Variants in TLN2 observed in about 807,000 individuals in gnomAD.
The protein encoded by TLN2 is talin 2, also known as talin-2.
Under a neutral mutation model 294.7 loss-of-function variants are expected in TLN2, and 118 were observed. The ratio of observed to expected loss-of-function variants is 0.40; its 90% CI spans 0.34 to 0.47. The LOEUF is 0.47. Among genes scored for constraint, TLN2 ranks in the 20% least tolerant of loss-of-function variants. The pLI, the probability that TLN2 is intolerant of heterozygous loss-of-function variation, is 0.84. For missense variants in TLN2, 3,083 were observed against 3,282.2 expected (o/e 0.94, Z 1.48); for synonymous variants, 1,431 against 1,304.5 (o/e 1.10, Z -2.09).
intron 1 of TLN2, among the ~76,000 whole-genome samples, chr15:62,508,122 T>TA (rs2039724996): frequency 6.6e-6 from 1 of 152,196 alleles, no homozygotes; most frequent in African/African-American, 2.4e-5. Context: ...TGAATGAAGA[T>TA]ACCATTTAAT....
In TLN2 at chr15:62,521,547, C is replaced by G. The variant is rs570844005; in HGVS notation, c.-237-68140C>G. On this transcript the variant is annotated intron_variant, in intron 1 of 58. Transcript: ENST00000636159. Reference sequence around the variant, plus strand: ...GTTGGTTGAAAGAGTTAAGCTTTGTCTAAAGACTTAAGTAGAAAGAAATGC... The same window carrying G: ...GTTGGTTGAAAGAGTTAAGCTTTGTGTAAAGACTTAAGTAGAAAGAAATGC... Among the ~76,000 whole-genome samples the G allele has an allele frequency of 1.5e-4, 23 of 152,158 alleles. 1 individual carries two copies. Among genetic ancestry groups the G allele is most frequent in the African/African-American group, 5.5e-4 (23 of 41,512 alleles).
In TLN2 at chr15:62,537,262, A is replaced by G. The variant is rs1030614445; in HGVS notation, c.-237-52425A>G. ...CTCGATCTGACCTCGTGATCCGCCC[A>G]CCTCTGCCTCCCAAAGTGCTGGGAT... On this transcript the variant is annotated intron_variant, in intron 1 of 58. Coordinates refer to ENST00000636159, the MANE Select transcript of TLN2 (RefSeq NM_015059.3). Among the ~76,000 whole-genome samples, 9 of 151,864 alleles carry G rather than the reference A, an allele frequency of 5.9e-5. No individual in the cohort carries two copies. In the East Asian group the frequency reaches 1.2e-3, roughly 20 times the overall value.
intron 28 of TLN2, among the ~76,000 whole-genome samples, chr15:62,732,236 CTACTT>C (rs1567481213): frequency 6.6e-6 from 1 of 152,182 alleles, no homozygotes; most frequent in Admixed American, 6.5e-5. Context: ...AGAGAAAAGA[CTACTT>C]TACATGTTGC....
At chr15:62,565,988 G>T (rs1385897981) in intron 1 of TLN2, among the ~76,000 whole-genome samples, 1 of 151,742 alleles carries the variant, frequency 6.6e-6, no homozygotes, top group Non-Finnish European at 1.5e-5. Context: ...TGAGGATCAT[G>T]ATACGTCTTA....
intron 2 of TLN2, among the ~76,000 whole-genome samples, chr15:62,614,550 C>G (rs1216198430): frequency 6.6e-6 from 1 of 152,164 alleles, no homozygotes; most frequent in South Asian, 2.1e-4. Flanking sequence ...CCCGCCACCT[C>G]TCTGCTCGAA....
chr15:62,601,376 C>T (rs1055225967), intron 2 of TLN2, among the ~76,000 whole-genome samples: 9 of 152,146 alleles, frequency 5.9e-5, no homozygotes, highest in Non-Finnish European at 8.8e-5. Flanking sequence ...TTTTGGTGGT[C>T]GGTTTCCCAT....
Position 62,762,322 on chromosome 15 carries a change from G to A in TLN2, c.4830G>A (p.Glu1610=), listed in dbSNP as rs2062727523. 2 of 1,614,186 alleles carry A rather than the reference G, an allele frequency of 1.2e-6. No homozygotes were observed. The highest frequency in any genetic ancestry group is 4.5e-5 in the East Asian group (2 of 44,874). Reference sequence around the variant, plus strand: ...TGGTCTCAGCCAAGACCATGCTGGAGAGTTCATCGTACCTCATTCGCACTG... The same window carrying A: ...TGGTCTCAGCCAAGACCATGCTGGAAAGTTCATCGTACCTCATTCGCACTG... ...PILVSAKTML[E]SSSYLIRTAR... Residue 1610 remains glutamate (E), a synonymous_variant, in exon 39 of 59, where the codon GAG becomes GAA. Transcript: ENST00000636159.
rs1409114306 is a variant in TLN2, at chr15:62,702,919, C to A, written c.2004+55C>A. 5 of 1,483,928 alleles carry A rather than the reference C, an allele frequency of 3.4e-6. No individual in the cohort carries two copies. The Admixed American group carries it at 5.0e-5, about 15-fold the overall frequency. The allele number at this position is 1,483,928 out of a possible 1,614,324, so 91.9% of individuals were successfully genotyped here. On this transcript the variant is annotated intron_variant, in intron 19 of 58. Coordinates refer to ENST00000636159, the MANE Select transcript of TLN2 (RefSeq NM_015059.3). ...AAAGAAGTCTAAGTGATGGTCTAGA[C>A]CCGAGCAGGCAGAATGTAATATTTG...
At chr15:62,608,432 G>T (rs982611930) in intron 2 of TLN2, among the ~76,000 whole-genome samples, 2 of 152,186 alleles carry the variant, frequency 1.3e-5, no homozygotes, top group Non-Finnish European at 2.9e-5. Context: ...ACTGAAGAGC[G>T]TAAGAAGAGA....
intron 9 of TLN2, among the ~76,000 whole-genome samples, chr15:62,661,339 T>C (rs969691107): frequency 3.3e-5 from 5 of 152,022 alleles, no homozygotes; most frequent in African/African-American, 9.7e-5. Context: ...GGGAAAAAAA[T>C]TGAACATAGC....
chr15:62,676,382 G>A (rs1279548952), intron 11 of TLN2, among the ~76,000 whole-genome samples: 5 of 152,148 alleles, frequency 3.3e-5, no homozygotes, highest in Non-Finnish European at 7.4e-5. Flanking sequence ...AATGAAGAAC[G>A]TATACATCAG....
At chr15:62,787,330 A>T (rs140973622) in intron 45 of TLN2, among the ~76,000 whole-genome samples, 174 of 152,332 alleles carry the variant, frequency 1.1e-3, no homozygotes, top group Admixed American at 2.1e-3. Flanking sequence ...GGGAAAAACC[A>T]GTGTGTTTTG....
intron 1 of TLN2, among the ~76,000 whole-genome samples, chr15:62,399,450 C>G (rs572733107): frequency 2.9e-4 from 44 of 152,176 alleles, no homozygotes; most frequent in Non-Finnish European, 5.3e-4. Flanking sequence ...GGCCACCATC[C>G]TCACACCCCA....
intron 55 of TLN2, 40 bp from the exon 56 acceptor site, chr15:62,835,697 T>C: frequency 6.2e-7 from 1 of 1,612,068 alleles, no homozygotes; most frequent in Non-Finnish European, 8.5e-7. Context: ...CCACTGGGGC[T>C]GCCTGCCCTC....
At chr15:62,719,641 G>A (rs2060000430) in intron 24 of TLN2, 126 bp from the exon 25 acceptor site, 4 of 655,686 alleles carry the variant, frequency 6.1e-6, no homozygotes, top group Non-Finnish European at 9.9e-6. Context: ...GTCTATCCAA[G>A]GTCTGGGGCT....
Position 62,675,321 on chromosome 15 carries a change from G to A in TLN2, c.957G>A (p.Lys319=). ...ATGGCGTGTCCTTCTTCCTGGTGAAGGTGAGTTGGGCAGAATGGGGAGAGT... is the reference window on the plus strand; with the variant it reads ...ATGGCGTGTCCTTCTTCCTGGTGAAAGTGAGTTGGGCAGAATGGGGAGAGT... ...RTYGVSFFLV[K]EKMKGKNKLV... is the part of the protein sequence containing the mutation. The change falls in exon 11 of 59, where the codon AAG becomes AAA. Residue 319 remains lysine, a splice_region_variant and synonymous_variant. Transcript: ENST00000636159. The A allele has an allele frequency of 6.2e-7, 1 of 1,614,132 alleles. No individual in the cohort carries two copies. The highest frequency in any genetic ancestry group is 8.5e-7 in the Non-Finnish European group (1 of 1,179,998).
chr15:62,796,376 G>T (rs949807132), intron 47 of TLN2, 83 bp downstream of exon 47: 3 of 1,463,258 alleles, frequency 2.1e-6, no homozygotes, highest in Non-Finnish European at 2.7e-6. Flanking sequence ...CCACCTGGGA[G>T]CCAGAAATGT....
intron 1 of TLN2, among the ~76,000 whole-genome samples, chr15:62,425,691 G>T (rs2034670486): frequency 6.6e-6 from 1 of 152,180 alleles, no homozygotes; most frequent in South Asian, 2.1e-4. Flanking sequence ...GTTTACATAG[G>T]ATGTGTCCTC....
intron 49 of TLN2, 79 bp downstream of exon 49, chr15:62,800,572 G>GCATGCGATC: frequency 1.2e-6 from 2 of 1,609,664 alleles, no homozygotes; most frequent in Non-Finnish European, 8.5e-7. Context: ...CTTGCTCATA[G>GCATGCGATC]CATGCGATCC....
Sources: allele counts gnomAD v4.1 joint callset (sites outside exome capture counted in the v4.1 genomes callset), GRCh38; gene constraint gnomAD v4.1.1; transcripts MANE v1.5; gene names NCBI Gene and HGNC (gene_info 2026-07-23, HGNC 2026-07-21).